The following ZNF487 variants were observed in gnomAD, a reference collection of about 807,000 sequenced individuals.
ZNF487 encodes KRAB domain only 1.
A neutral mutation model predicts 3.0 loss-of-function variants in ZNF487; 4 were observed. The ratio of observed to expected loss-of-function variants is 1.35; its 90% CI spans 0.66 to 3.08. The LOEUF is 3.08. Among genes scored for constraint, ZNF487 ranks in the 30% most tolerant of loss-of-function variants. The pLI is 0.01. For missense variants in ZNF487, 146 were observed against 98.7 expected (o/e 1.48, Z -2.03); for synonymous variants, 55 against 34.6 (o/e 1.59, Z -2.06).
At chr10:43,442,220 A>G (rs1276405974) in intron 1 of ZNF487, among the ~76,000 whole-genome samples, 2 of 151,890 alleles carry the variant, frequency 1.3e-5, no homozygotes, top group Admixed American at 1.3e-4. Context: ...TGGTCTACAG[A>G]GGGAGACCCT....
At chr10:43,473,332 G>A (rs1446457656) in intron 1 of ZNF487, among the ~76,000 whole-genome samples, 1 of 151,654 alleles carries the variant, frequency 6.6e-6, no homozygotes, top group Non-Finnish European at 1.5e-5. Flanking sequence ...TGCCCATTTC[G>A]GCCTCCCAAA....
the ZNF487 span, among the ~76,000 whole-genome samples, chr10:43,492,091 C>T: frequency 1.3e-5 from 2 of 151,604 alleles, no homozygotes; most frequent in African/African-American, 4.9e-5. Flanking sequence ...ACCACGCTGC[C>T]ACATCCCGCC....
intron 1 of ZNF487, among the ~76,000 whole-genome samples, chr10:43,441,247 A>T (rs1034638690): frequency 1.3e-5 from 2 of 150,274 alleles, no homozygotes; most frequent in African/African-American, 4.9e-5. Flanking sequence ...GAGTATAGAC[A>T]TGAGCCACTG....
At chr10:43,437,100 C>G, upstream of ZNF487, 3 of 302,726 alleles carry the variant, frequency 9.9e-6, no homozygotes, top group South Asian at 7.1e-5. Flanking sequence ...CGCCCCTCGG[C>G]GGCCCCGCCC....
chr10:43,488,830 C>T, the ZNF487 span, among the ~76,000 whole-genome samples: 1 of 151,982 alleles, frequency 6.6e-6, no homozygotes, highest in Non-Finnish European at 1.5e-5. Context: ...AAGAAACTTA[C>T]TGGAGGCCAG....
chr10:43,503,159 A>AG, the ZNF487 span, among the ~76,000 whole-genome samples: 2 of 152,188 alleles, frequency 1.3e-5, no homozygotes, highest in Non-Finnish European at 2.9e-5. Context: ...AAGACCCTCC[A>AG]GTGGAACAAG....
chr10:43,479,967 TTTCTTTTCTTTCTTTCC>T (rs562137150), intron 3 of ZNF487, among the ~76,000 whole-genome samples: 556 of 41,796 alleles, frequency 0.013, 10 homozygotes, highest in East Asian at 0.026. Context: ...TCTTTCTTTC[TTTCTTTTCTTTCTTTCC>T]TTCTTTCTTT....
chr10:43,448,550 T>C (rs1271374398), intron 1 of ZNF487, among the ~76,000 whole-genome samples: 1 of 151,884 alleles, frequency 6.6e-6, no homozygotes, highest in Non-Finnish European at 1.5e-5. Context: ...GTGCGGTGGC[T>C]CCTGCCTGTA....
intron 1 of ZNF487, among the ~76,000 whole-genome samples, chr10:43,438,634 C>T (rs1026329939): frequency 6.6e-6 from 1 of 152,044 alleles, no homozygotes; most frequent in Non-Finnish European, 1.5e-5. Context: ...GGTCTGAATC[C>T]AAGAGAAATG....
upstream of ZNF487, chr10:43,436,962 G>A (rs763842170): frequency 2.2e-6 from 1 of 452,704 alleles, no homozygotes; most frequent in Non-Finnish European, 4.6e-6. Context: ...CGGACAAGAG[G>A]GCAGCTGGTA....
At chr10:43,500,792 A>T in the ZNF487 span, among the ~76,000 whole-genome samples, 1 of 152,096 alleles carries the variant, frequency 6.6e-6, no homozygotes, top group Non-Finnish European at 1.5e-5. Flanking sequence ...TACAGACATG[A>T]GCCACTGGGC....
At chr10:43,491,068 G>A in the ZNF487 span, among the ~76,000 whole-genome samples, 5 of 148,206 alleles carry the variant, frequency 3.4e-5, no homozygotes, top group Non-Finnish European at 7.4e-5. Flanking sequence ...GCAGGTTCAA[G>A]CGATTCTCCT....
chr10:43,509,019 C>T, the ZNF487 span, among the ~76,000 whole-genome samples: 23 of 151,132 alleles, frequency 1.5e-4, no homozygotes, highest in South Asian at 2.5e-3. Context: ...CATGACAAAA[C>T]GCTCTCTGTA....
At chr10:43,501,968 T>C in the ZNF487 span, among the ~76,000 whole-genome samples, 57 of 152,282 alleles carry the variant, frequency 3.7e-4, no homozygotes, top group Middle Eastern at 3.4e-3. Flanking sequence ...AATACTACAA[T>C]GTGTGGCTAT....
At chr10:43,478,480 G>A (rs1841185761) in intron 3 of ZNF487, among the ~76,000 whole-genome samples, 1 of 152,218 alleles carries the variant, frequency 6.6e-6, no homozygotes, top group Admixed American at 6.5e-5. Flanking sequence ...TTGAACCCAG[G>A]AGGGGGAGGT....
At chr10:43,466,788 A>G (rs937631538) in intron 1 of ZNF487, among the ~76,000 whole-genome samples, 10 of 152,204 alleles carry the variant, frequency 6.6e-5, no homozygotes, top group Admixed American at 5.9e-4. Context: ...TTGACAAGCT[A>G]GTCACATAAG....
intron 1 of ZNF487, among the ~76,000 whole-genome samples, chr10:43,468,251 A>G (rs1840775750): frequency 6.6e-6 from 1 of 152,226 alleles, no homozygotes; most frequent in Admixed American, 6.5e-5. Flanking sequence ...TAAGATGACA[A>G]CAAAGGATTT....
the ZNF487 span, among the ~76,000 whole-genome samples, chr10:43,498,111 T>A: frequency 3.2e-3 from 29 of 9,206 alleles, no homozygotes; most frequent in East Asian, 0.041. Context: ...TTTTTTTTTT[T>A]TTCTTTTTTT....
At chr10:43,448,379 C>T (rs1839890405) in intron 1 of ZNF487, among the ~76,000 whole-genome samples, 1 of 152,028 alleles carries the variant, frequency 6.6e-6, no homozygotes, top group African/African-American at 2.4e-5. Flanking sequence ...TCGTCTTGCG[C>T]TGAAGTGGAG....
Sources: allele counts gnomAD v4.1 joint callset (sites outside exome capture counted in the v4.1 genomes callset), GRCh38; gene constraint gnomAD v4.1.1; transcripts MANE v1.5; gene names NCBI Gene and HGNC (gene_info 2026-07-23, HGNC 2026-07-21).